KLHL32: variants seen among roughly 807,000 people sequenced by gnomAD.
The protein encoded by KLHL32 is kelch like family member 32, also known as kelch-like protein 32.
KLHL32 carries 35 observed loss-of-function variants against 64.8 expected under a neutral mutation model. That is an observed-to-expected ratio of 0.54 (90% CI 0.41 to 0.72). KLHL32 has a LOEUF of 0.72. Ranked by LOEUF, KLHL32 falls within the 30% of genes least tolerant of loss-of-function variation. The pLI is 0.00. For synonymous variants in KLHL32, 259 were observed against 281.0 expected, an observed-to-expected ratio of 0.92 and a Z score of 0.78; for missense variants, 589 against 768.5, an observed-to-expected ratio of 0.77 and a Z score of 2.76.
chr6:97,127,328 A>G lies in KLHL32; in HGVS notation c.1355-76A>G. On this transcript the variant is annotated intron_variant, in intron 7 of 10. Coordinates refer to ENST00000369261, the MANE Select transcript of KLHL32 (RefSeq NM_052904.4). ...CTCAGCAGTAGCTAATTCTCCTTTA[A>G]TTGTATCTCATTCTTATGTTGGAAT... 12 of 1,228,396 alleles carry G rather than the reference A, an allele frequency of 9.8e-6. No individual in the cohort carries two copies. In the South Asian group the frequency reaches 1.5e-4, roughly 15 times the overall value. 76.1% of individuals were successfully genotyped at this position (1,228,396 alleles called of 1,614,324 possible).
intron 10 of KLHL32, among the ~76,000 whole-genome samples, chr6:97,137,040 TGAA>T (rs1800098653): frequency 1.3e-5 from 2 of 152,216 alleles, no homozygotes; most frequent in South Asian, 4.1e-4. Flanking sequence ...CTCTGTAAAT[TGAA>T]GACAATACTT....
intron 3 of KLHL32, among the ~76,000 whole-genome samples, chr6:97,020,272 G>T (rs1781813195): frequency 6.7e-6 from 1 of 150,200 alleles, no homozygotes; most frequent in Admixed American, 6.6e-5. Flanking sequence ...AAATTATTTA[G>T]ATAAACTTTG....
chr6:96,977,722 A>G (rs1446454769), intron 3 of KLHL32, among the ~76,000 whole-genome samples: 3 of 152,230 alleles, frequency 2.0e-5, no homozygotes, highest in African/African-American at 7.2e-5. Context: ...ATTGCCAAGT[A>G]GCAGTCACAG....
chr6:96,910,285 CA>C, the KLHL32 span, among the ~76,000 whole-genome samples: 317 of 135,956 alleles, frequency 2.3e-3, no homozygotes, highest in African/African-American at 5.5e-3. Flanking sequence ...GAAGATAAAG[CA>C]AAAAAAAAAA....
chr6:97,097,705 A>G (rs916393137), intron 6 of KLHL32, among the ~76,000 whole-genome samples: 7 of 151,918 alleles, frequency 4.6e-5, no homozygotes, highest in Non-Finnish European at 8.8e-5. Context: ...TTTCATTTTC[A>G]CTTAAAAATG....
rs750242567 is a variant in KLHL32, at chr6:97,055,796, TAAAA to T, written c.313-8809_313-8806del. ...CGAGGTAACAGACTGAGAACCTGTC[TAAAA>T]AAAAAAAAAAAAAAAAAAAAAACCC... On this transcript the variant is annotated intron_variant, in intron 4 of 10. Coordinates refer to ENST00000369261, the MANE Select transcript of KLHL32 (RefSeq NM_052904.4). Among the ~76,000 whole-genome samples the T allele has an allele frequency of 1.3e-3, 108 of 80,922 alleles. 2 individuals carry two copies. The highest frequency in any genetic ancestry group is 3.4e-3 in the East Asian group (9 of 2,676). The allele number at this position is 80,922 out of a possible 152,430, so 53.1% of individuals were successfully genotyped here. A position where few individuals can be genotyped will look rare whatever the true frequency, so the allele number is the denominator to read the frequency against.
At chr6:96,968,256 G>A (rs890351991) in intron 2 of KLHL32, among the ~76,000 whole-genome samples, 2 of 152,138 alleles carry the variant, frequency 1.3e-5, no homozygotes, top group Non-Finnish European at 2.9e-5. Flanking sequence ...ATCTGACAAT[G>A]TTTTTGGATG....
intron 1 of KLHL32, among the ~76,000 whole-genome samples, chr6:96,930,818 C>A (rs1369381877): frequency 6.6e-6 from 1 of 152,038 alleles, no homozygotes; most frequent in Admixed American, 6.6e-5. Flanking sequence ...GAGCATCGGC[C>A]TGGTCACAAG....
intron 2 of KLHL32, among the ~76,000 whole-genome samples, chr6:96,974,231 C>G (rs1205883392): frequency 6.6e-6 from 1 of 152,074 alleles, no homozygotes; most frequent in Non-Finnish European, 1.5e-5. Context: ...ACGGTAAGCA[C>G]TATGTGTTTC....
intron 3 of KLHL32, among the ~76,000 whole-genome samples, chr6:97,019,626 A>T (rs1474253700): frequency 1.3e-5 from 2 of 152,160 alleles, no homozygotes; most frequent in Non-Finnish European, 2.9e-5. Flanking sequence ...TTAAAGAGGG[A>T]TCTGAGTGGC....
chr6:96,908,925 T>A, the KLHL32 span, among the ~76,000 whole-genome samples: 3 of 152,112 alleles, frequency 2.0e-5, no homozygotes, highest in African/African-American at 7.2e-5. Flanking sequence ...GGGGATATGC[T>A]TTGCTCTTTT....
intron 5 of KLHL32, among the ~76,000 whole-genome samples, chr6:97,080,593 G>A (rs1792345467): frequency 6.6e-6 from 1 of 152,182 alleles, no homozygotes; most frequent in African/African-American, 2.4e-5. Flanking sequence ...AAGTACACAG[G>A]AAGAGGTGGT....
At chr6:97,101,096 C>G (rs1167560884) in intron 6 of KLHL32, among the ~76,000 whole-genome samples, 1 of 150,940 alleles carries the variant, frequency 6.6e-6, no homozygotes, top group Non-Finnish European at 1.5e-5. Flanking sequence ...GCATGAGCCA[C>G]TGCATTCAGC....
chr6:97,101,499 C>T (rs762332673), intron 6 of KLHL32, among the ~76,000 whole-genome samples: 8 of 152,154 alleles, frequency 5.3e-5, no homozygotes, highest in Non-Finnish European at 1.2e-4. Flanking sequence ...ATAATGGACA[C>T]TTAAGAAAAC....
chr6:96,926,347 GTAGA>G lies in KLHL32; in HGVS notation c.-66+1326_-66+1329del, dbSNP rs564488017. Among the ~76,000 whole-genome samples, 7 of 152,324 alleles carry G rather than the reference GTAGA, an allele frequency of 4.6e-5. No homozygotes were observed. In the South Asian group the frequency reaches 8.3e-4, roughly 18 times the overall value. ...GCAAGTAAGCCAAATAATGACAGAG[GTAGA>G]TAGAGGGGATTTATGCAATTCACAG... On this transcript the variant is annotated intron_variant, in intron 1 of 10. Coordinates refer to ENST00000369261, the MANE Select transcript of KLHL32 (RefSeq NM_052904.4).
At chr6:97,069,117 C>T (rs1562302164) in intron 5 of KLHL32, among the ~76,000 whole-genome samples, 3 of 152,128 alleles carry the variant, frequency 2.0e-5, no homozygotes, top group Non-Finnish European at 2.9e-5. Context: ...CTGTTTACAG[C>T]GTGCACATGT....
At chr6:97,103,325 T>C (rs958574728) in intron 6 of KLHL32, among the ~76,000 whole-genome samples, 3 of 151,768 alleles carry the variant, frequency 2.0e-5, no homozygotes, top group African/African-American at 7.3e-5. Context: ...GCGATTCTCC[T>C]GCCTCAGCCT....
chr6:97,137,821 C>T (rs563042312), intron 10 of KLHL32, among the ~76,000 whole-genome samples: 2 of 152,244 alleles, frequency 1.3e-5, no homozygotes, highest in African/African-American at 4.8e-5. Flanking sequence ...CATCAGCCAC[C>T]GCGCCCAGCC....
intron 5 of KLHL32, among the ~76,000 whole-genome samples, chr6:97,082,760 T>C (rs1792768838): frequency 6.6e-6 from 1 of 152,170 alleles, no homozygotes; most frequent in Non-Finnish European, 1.5e-5. Flanking sequence ...GAGAAAGATG[T>C]GGGTCAGTCA....
Sources: gnomAD v4.1 joint callset for allele counts (sites outside exome capture counted in the v4.1 genomes callset) on GRCh38, gnomAD v4.1.1 for gene constraint, MANE v1.5 for transcripts, NCBI Gene and HGNC (gene_info 2026-07-23, HGNC 2026-07-21) for gene names.